The following C2orf74 variants were observed in gnomAD, a reference collection of about 807,000 sequenced individuals.
The protein encoded by C2orf74 is uncharacterized protein C2orf74.
Under a neutral mutation model 17.9 loss-of-function variants are expected in C2orf74, and 14 were observed. The observed-to-expected ratio is 0.78, with a 90% CI of 0.52 to 1.22. The LOEUF is 1.22. Ranked by LOEUF, C2orf74 falls within the 50% of genes most tolerant of loss-of-function variation. The pLI, the probability that C2orf74 is intolerant of heterozygous loss-of-function variation, is 0.00. For missense variants in C2orf74, 217 were observed against 218.4 expected (o/e 0.99, Z 0.04); for synonymous variants, 79 against 72.6 (o/e 1.09, Z -0.44).
chr2:61,145,391 A>G (rs191401202), intron 1 of C2orf74, among the ~76,000 whole-genome samples: 56 of 152,310 alleles, frequency 3.7e-4, no homozygotes, highest in African/African-American at 1.3e-3. Context: ...TAAATATATG[A>G]AAAGATGCTT....
chr2:61,156,720 C>CA (rs1199531979), intron 1 of C2orf74, among the ~76,000 whole-genome samples: 8 of 151,930 alleles, frequency 5.3e-5, no homozygotes, highest in African/African-American at 1.9e-4. Flanking sequence ...CTCGTCTCTG[C>CA]AAAAAAATAC....
At chr2:61,155,094 A>T (rs1320664827) in intron 1 of C2orf74, among the ~76,000 whole-genome samples, 1 of 152,128 alleles carries the variant, frequency 6.6e-6, no homozygotes, top group East Asian at 1.9e-4. Flanking sequence ...AGAAAAGTTT[A>T]AAGTGTTTGA....
chr2:61,152,185 C>CG (rs1438764320), intron 1 of C2orf74: 1 of 152,284 alleles, frequency 6.6e-6, no homozygotes, highest in African/African-American at 2.4e-5. Flanking sequence ...CTGCCAACAC[C>CG]GGTTTTTGGA....
intron 1 of C2orf74, among the ~76,000 whole-genome samples, chr2:61,157,096 C>G (rs1295284494): frequency 1.3e-5 from 2 of 152,146 alleles, no homozygotes; most frequent in Non-Finnish European, 2.9e-5. Flanking sequence ...AGTGCAGTGG[C>G]GCGATCTCGG....
Position 61,164,459 on chromosome 2 carries a change from G to A in C2orf74, c.496G>A (p.Val166Ile), listed in dbSNP as rs1240207831. ...KGVTFSREVI[V>I]VDLGNEYPTP... ...AGTGACATTTTCTAGGGAGGTAATT[G>A]TTGTGGATCTTGGGAATGAATACCC... The change falls in exon 5 of 5, where the codon GTT becomes ATT. Residue 166 changes from valine to isoleucine, a missense_variant. By Grantham distance (29) the Val-to-Ile change is conservative. Coordinates refer to ENST00000432605, the MANE Select transcript of C2orf74 (RefSeq NM_001143959.4). The A allele has an allele frequency of 5.2e-6, 8 of 1,550,984 alleles. No individual in the cohort carries two copies. The highest frequency in any genetic ancestry group is 4.9e-5 in the East Asian group (2 of 40,994).
upstream of C2orf74, among the ~76,000 whole-genome samples, chr2:61,160,116 T>G (rs1425522857): frequency 6.6e-6 from 1 of 152,146 alleles, no homozygotes; most frequent in East Asian, 1.9e-4. Flanking sequence ...CTTAGCATAA[T>G]GCCTTCAAAA....
At chr2:61,147,697 C>G (rs1049407657) in intron 1 of C2orf74, among the ~76,000 whole-genome samples, 5 of 152,106 alleles carry the variant, frequency 3.3e-5, no homozygotes, top group African/African-American at 1.2e-4. Context: ...TAAAAATATT[C>G]TATACGTTGA....
At chr2:61,153,149 C>CA (rs1166347493) in intron 1 of C2orf74, among the ~76,000 whole-genome samples, 1,161 of 55,628 alleles carry the variant, frequency 0.021, 6 homozygotes, top group African/African-American at 0.027. Flanking sequence ...ACTCCGTCTC[C>CA]AAAAAAAAAA....
At chr2:61,145,995 C>T (rs891891059) in intron 1 of C2orf74, among the ~76,000 whole-genome samples, 2 of 152,176 alleles carry the variant, frequency 1.3e-5, no homozygotes, top group Non-Finnish European at 2.9e-5. Flanking sequence ...TTATCAAAAC[C>T]ACACTGAATA....
chr2:61,152,872 C>T (rs947188139), intron 1 of C2orf74, among the ~76,000 whole-genome samples: 1 of 128,322 alleles, frequency 7.8e-6, no homozygotes, highest in Non-Finnish European at 1.6e-5. Context: ...AAAAAAAAAG[C>T]CAGGCGCGCG....
chr2:61,145,483 A>G (rs1022977898), intron 1 of C2orf74, among the ~76,000 whole-genome samples: 8 of 152,168 alleles, frequency 5.3e-5, no homozygotes, highest in African/African-American at 1.9e-4. Context: ...GAGTGCAGTA[A>G]TGCAATCTCG....
upstream of C2orf74, among the ~76,000 whole-genome samples, chr2:61,160,437 GGCATGAGCCACTGC>G (rs1203663219): frequency 6.7e-6 from 1 of 150,328 alleles, no homozygotes; most frequent in Non-Finnish European, 1.5e-5. Flanking sequence ...GGATTAAATA[GGCATGAGCCACTGC>G]GCCCAGCCCG....
chr2:61,156,665 C>G (rs1685400072), intron 1 of C2orf74, among the ~76,000 whole-genome samples: 1 of 152,164 alleles, frequency 6.6e-6, no homozygotes, highest in Non-Finnish European at 1.5e-5. Context: ...GGGCAGATCG[C>G]TTGAGCTCAG....
chr2:61,159,736 C>T (rs776636462), upstream of C2orf74, among the ~76,000 whole-genome samples: 4 of 152,322 alleles, frequency 2.6e-5, no homozygotes, highest in Non-Finnish European at 4.4e-5. Flanking sequence ...TTTGGTTTTG[C>T]AATGCCTGCT....
chr2:61,150,440 G>A (rs1376795439), intron 1 of C2orf74, among the ~76,000 whole-genome samples: 1 of 152,192 alleles, frequency 6.6e-6, no homozygotes, highest in Non-Finnish European at 1.5e-5. Context: ...GAGAGCCACA[G>A]TGAGTCCTGC....
chr2:61,163,890 C>G (rs1374353591), intron 4 of C2orf74, among the ~76,000 whole-genome samples: 2 of 152,060 alleles, frequency 1.3e-5, no homozygotes, highest in East Asian at 3.8e-4. Flanking sequence ...TCTCCTGTTT[C>G]CAATGAGAAA....
intron 1 of C2orf74, among the ~76,000 whole-genome samples, chr2:61,155,207 T>G (rs1307031698): frequency 6.6e-6 from 1 of 152,216 alleles, no homozygotes; most frequent in East Asian, 1.9e-4. Flanking sequence ...TAAAGCCTCC[T>G]GTGATTAAGA....
intron 1 of C2orf74, among the ~76,000 whole-genome samples, chr2:61,149,639 C>T (rs1011200441): frequency 7.0e-6 from 1 of 142,268 alleles, no homozygotes; most frequent in Non-Finnish European, 1.5e-5. Context: ...AATGCAGTGG[C>T]ACAATCTTGG....
At chr2:61,151,760 C>T (rs1347263994) in intron 1 of C2orf74, 9 of 152,216 alleles carry the variant, frequency 5.9e-5, no homozygotes, top group African/African-American at 2.2e-4. Flanking sequence ...TTATGACCCA[C>T]TCTCGGAACT....
Sources: gnomAD v4.1 joint callset for allele counts (sites outside exome capture counted in the v4.1 genomes callset) on GRCh38, gnomAD v4.1.1 for gene constraint, MANE v1.5 for transcripts, NCBI Gene and HGNC (gene_info 2026-07-23, HGNC 2026-07-21) for gene names.